WDFY4: variants seen among roughly 807,000 people sequenced by gnomAD.
The protein encoded by WDFY4 is WDFY family member 4.
Under a neutral mutation model 351.9 loss-of-function variants are expected in WDFY4, and 169 were observed. That is an observed-to-expected ratio of 0.48 (90% CI 0.42 to 0.55). The LOEUF (loss-of-function observed/expected upper bound fraction) is 0.55, where lower values mean the gene tolerates loss of function less well. Among genes scored for constraint, WDFY4 ranks in the 20% least tolerant of loss-of-function variants. The probability of loss-of-function intolerance (pLI) is 0.00; values close to 1 mark genes in which losing one functional copy is unlikely to be tolerated. For synonymous variants in WDFY4, 1,622 were observed against 1,574.6 expected, an observed-to-expected ratio of 1.03 and a Z score of -0.71; for missense variants, 3,803 against 3,935.6, an observed-to-expected ratio of 0.97 and a Z score of 0.90.
chr10:48,942,735 G>A (rs1036536428), intron 48 of WDFY4, among the ~76,000 whole-genome samples: 1 of 152,240 alleles, frequency 6.6e-6, no homozygotes, highest in African/African-American at 2.4e-5. Context: ...GATGACGGCT[G>A]TGTTGGATTG....
At position 48,826,783 on chromosome 10, in the gene WDFY4, G is replaced by A; in HGVS notation, c.6095G>A (p.Cys2032Tyr). Residue 2032 changes from cysteine to tyrosine, a missense_variant, in exon 36 of 62, where the codon TGC (cysteine) becomes TAC (tyrosine). By Grantham distance (194) the Cys-to-Tyr change is radical. Around this residue, in one of 3 missense-constraint regions of WDFY4, gnomAD observed 3,054 missense variants for 3,148.6 expected, o/e 0.97. Transcript: ENST00000325239. Reference sequence around the variant, plus strand: ...AAGCCCCAGCAGTCCCTCTCCGAATGCCTCGGCCTTCTCAGCATCCTGGGC... The same window carrying A: ...AAGCCCCAGCAGTCCCTCTCCGAATACCTCGGCCTTCTCAGCATCCTGGGC... ...LSKPQQSLSE[C>Y]LGLLSILGFL... The A allele has an allele frequency of 6.4e-7, 1 of 1,551,932 alleles. No homozygotes were observed. Among genetic ancestry groups the A allele is most frequent in the Non-Finnish European group, 8.7e-7 (1 of 1,147,042 alleles).
chr10:48,764,714 C>G (rs2065614546), intron 13 of WDFY4, among the ~76,000 whole-genome samples: 1 of 152,256 alleles, frequency 6.6e-6, no homozygotes, highest in African/African-American at 2.4e-5. Context: ...GACTGTGTAG[C>G]TGCCCATGTG....
At chr10:48,748,446 C>T (rs530222886) in intron 12 of WDFY4, among the ~76,000 whole-genome samples, 6 of 152,216 alleles carry the variant, frequency 3.9e-5, no homozygotes, top group African/African-American at 1.4e-4. Flanking sequence ...TTTGTCTGTG[C>T]GTGCGTGTAT....
At chr10:48,726,548 T>C (rs1030601780) in intron 6 of WDFY4, among the ~76,000 whole-genome samples, 5 of 152,162 alleles carry the variant, frequency 3.3e-5, no homozygotes, top group Non-Finnish European at 5.9e-5. Flanking sequence ...CTGGGAACTA[T>C]GTGTAGGGGT....
intron 12 of WDFY4, among the ~76,000 whole-genome samples, chr10:48,759,972 G>A (rs888143781): frequency 6.6e-6 from 1 of 152,080 alleles, no homozygotes; most frequent in African/African-American, 2.4e-5. Context: ...GGACCCAGAA[G>A]CCTGTGTGTG....
chr10:48,756,234 A>C (rs1323597462), intron 12 of WDFY4, among the ~76,000 whole-genome samples: 1 of 152,002 alleles, frequency 6.6e-6, no homozygotes, highest in East Asian at 1.9e-4. Flanking sequence ...TAGGGCCTGC[A>C]CATGTTTTCT....
At chr10:48,814,430 C>G (rs546501164) in intron 31 of WDFY4, among the ~76,000 whole-genome samples, 1 of 152,276 alleles carries the variant, frequency 6.6e-6, no homozygotes, top group South Asian at 2.1e-4. Context: ...CATGAGTGAC[C>G]TGGGGAAGGG....
chr10:48,892,449 C>T (rs559093688), intron 44 of WDFY4, among the ~76,000 whole-genome samples: 31 of 152,296 alleles, frequency 2.0e-4, no homozygotes, highest in Admixed American at 7.2e-4. Flanking sequence ...AATTACTACC[C>T]TGGAATTGCA....
At chr10:48,981,164 T>C (rs1842788861) in intron 60 of WDFY4, among the ~76,000 whole-genome samples, 1 of 152,238 alleles carries the variant, frequency 6.6e-6, no homozygotes, top group African/African-American at 2.4e-5. Flanking sequence ...CACATGTAAC[T>C]ATCACCGCCT....
Position 48,982,494 on chromosome 10 carries a change from C to T in WDFY4, c.9489-15C>T. On this transcript the variant is annotated splice_polypyrimidine_tract_variant and intron_variant, in intron 61 of 61. Coordinates refer to ENST00000325239, the MANE Select transcript of WDFY4 (RefSeq NM_001394531.1). ...TGTCCCTCTAACGTTCTTGTCTTTT[C>T]TTTCTCTTCCCAAGAAACCACACCA... 1 of 1,495,984 alleles carries T rather than the reference C, an allele frequency of 6.7e-7. No individual in the cohort carries two copies. 92.7% of individuals were successfully genotyped at this position (1,495,984 alleles called of 1,614,324 possible). A position where few individuals can be genotyped will look rare whatever the true frequency, so the allele number is the denominator to read the frequency against.
chr10:48,787,892 TCCTTCTTCTTC>T lies in WDFY4; in HGVS notation c.3809-637_3809-627del, dbSNP rs1565198408. Among the ~76,000 whole-genome samples, 239 of 72,304 alleles carry T rather than the reference TCCTTCTTCTTC, an allele frequency of 3.3e-3. 12 individuals carry two copies. Among genetic ancestry groups the T allele is most frequent in the East Asian group, 0.015 (26 of 1,732 alleles). 47.4% of individuals were successfully genotyped at this position (72,304 alleles called of 152,430 possible). ...CTTTCTTCTTTCTTTCTTCTTCTTCTCCTTCTTCTTCTTCTTCTTCTTCTTCTTCTTCTTCT... is the reference window on the plus strand; with the variant it reads ...CTTTCTTCTTTCTTTCTTCTTCTTCTTTCTTCTTCTTCTTCTTCTTCTTCT... On this transcript the variant is annotated intron_variant, in intron 20 of 61. Transcript: ENST00000325239.
At chr10:48,793,436 G>A (rs899601007) in intron 23 of WDFY4, among the ~76,000 whole-genome samples, 1 of 152,252 alleles carries the variant, frequency 6.6e-6, no homozygotes, top group Non-Finnish European at 1.5e-5. Flanking sequence ...CGTGGCAAGA[G>A]AGGTGGTAAA....
intron 45 of WDFY4, among the ~76,000 whole-genome samples, chr10:48,900,008 G>A (rs1481868020): frequency 6.6e-6 from 1 of 152,136 alleles, no homozygotes; most frequent in Non-Finnish European, 1.5e-5. Flanking sequence ...AGAACTCCAA[G>A]CTGTGGTCAG....
intron 28 of WDFY4, among the ~76,000 whole-genome samples, chr10:48,809,267 A>G (rs931561534): frequency 1.3e-5 from 2 of 151,540 alleles, no homozygotes; most frequent in Non-Finnish European, 2.9e-5. Context: ...CATCATCACC[A>G]TCATCACCAC....
intron 31 of WDFY4, among the ~76,000 whole-genome samples, chr10:48,815,157 A>G (rs1025053403): frequency 1.3e-5 from 2 of 152,220 alleles, no homozygotes; most frequent in Non-Finnish European, 2.9e-5. Flanking sequence ...TGCATTAGTC[A>G]TTATGCATAC....
At chr10:48,708,598 G>C (rs915946437) in intron 1 of WDFY4, among the ~76,000 whole-genome samples, 2 of 152,172 alleles carry the variant, frequency 1.3e-5, no homozygotes, top group Non-Finnish European at 2.9e-5. Context: ...CCTATGTTAT[G>C]GTGTAAGTCA....
chr10:48,701,021 A>G (rs1735357104), intron 1 of WDFY4, among the ~76,000 whole-genome samples: 1 of 152,214 alleles, frequency 6.6e-6, no homozygotes, highest in African/African-American at 2.4e-5. Context: ...AGCACTATCC[A>G]GCTCCATTAC....
At chr10:48,783,407 G>T (rs1277826617) in intron 19 of WDFY4, among the ~76,000 whole-genome samples, 12 of 151,726 alleles carry the variant, frequency 7.9e-5, no homozygotes, top group Non-Finnish European at 1.5e-5. Context: ...AGCCAAAGTT[G>T]ATTGAATCCA....
At chr10:48,930,964 G>A (rs1442704516) in intron 47 of WDFY4, among the ~76,000 whole-genome samples, 1 of 152,232 alleles carries the variant, frequency 6.6e-6, no homozygotes. Context: ...TCTCTGAAGG[G>A]ACGGTACTGG....
Sources: gnomAD v4.1 joint callset for allele counts (sites outside exome capture counted in the v4.1 genomes callset) on GRCh38, gnomAD v4.1.1 for gene constraint, gnomAD v4.1.1 regional missense constraint, MANE v1.5 for transcripts, NCBI Gene and HGNC (gene_info 2026-07-23, HGNC 2026-07-21) for gene names.